The following PCDH9 variants were observed in gnomAD, a reference collection of about 807,000 sequenced individuals.
PCDH9 encodes the protein protocadherin 9.
PCDH9 carries 24 observed loss-of-function variants against 70.6 expected under a neutral mutation model. That is an observed-to-expected ratio of 0.34 (90% confidence interval 0.25 to 0.48). The LOEUF (loss-of-function observed/expected upper bound fraction) is 0.48. PCDH9 is among the 20% of genes least tolerant of loss of function. The probability of loss-of-function intolerance (pLI) is 0.99; values close to 1 mark genes in which losing one functional copy is unlikely to be tolerated. For synonymous variants in PCDH9, 562 were observed against 558.5 expected (o/e 1.01, Z -0.09); for missense variants, 1,281 against 1,503.6 (o/e 0.85, Z 2.45).
rs368107207 is a variant in PCDH9, at chr13:67,094,401, T to C, written c.3036+131004A>G. 6.6e-5 allele frequency among the ~76,000 whole-genome samples: 10 copies of C among 152,306 alleles called. No individual in the cohort carries two copies. The South Asian group carries it at 1.2e-3, about 19-fold the overall frequency. ...TAGGTAGCTCTGCAAAGAAAGCTAA[T>C]AGTCATAGGTTAAAAAGGGGAGGAA... is the stretch of plus-strand genomic sequence containing the variant. On this transcript the variant is annotated intron_variant, in intron 2 of 4. Transcript: ENST00000377865.
chr13:66,717,480 A>AAATATATATATAT (rs1566145314), intron 3 of PCDH9, among the ~76,000 whole-genome samples: 1 of 44,434 alleles, frequency 2.3e-5, no homozygotes, highest in Non-Finnish European at 3.8e-5. Context: ...AAAAAAAAAA[A>AAATATATATATAT]ATATATATAT....
chr13:66,537,227 C>T (rs1566400482), intron 4 of PCDH9, among the ~76,000 whole-genome samples: 3 of 152,010 alleles, frequency 2.0e-5, no homozygotes, highest in Admixed American at 1.3e-4. Context: ...GTCTTCAGGG[C>T]TCATTAGTCA....
At chr13:67,141,592 C>A (rs1055357907) in intron 2 of PCDH9, among the ~76,000 whole-genome samples, 1 of 151,878 alleles carries the variant, frequency 6.6e-6, no homozygotes, top group East Asian at 1.9e-4. Context: ...AGGTGCCTGC[C>A]ACCACGCCCA....
intron 4 of PCDH9, among the ~76,000 whole-genome samples, chr13:66,468,713 A>G (rs1052667950): frequency 6.6e-6 from 1 of 152,100 alleles, no homozygotes; most frequent in Non-Finnish European, 1.5e-5. Context: ...TGCACCTCAA[A>G]TTTATACATA....
At chr13:67,201,253 A>G (rs895423368) in intron 2 of PCDH9, 15 of 152,090 alleles carry the variant, frequency 9.9e-5, no homozygotes, top group African/African-American at 3.4e-4. Flanking sequence ...GATTTGACAT[A>G]TGTGATAGTC....
At chr13:66,932,681 T>TATATATATATATATATATATATACACAC (rs1313632174) in intron 2 of PCDH9, among the ~76,000 whole-genome samples, 2 of 114,840 alleles carry the variant, frequency 1.7e-5, no homozygotes, top group African/African-American at 6.8e-5. Context: ...TATATATATA[T>TATATATATATATATATATATATACACAC]ACACACACAC....
chr13:67,075,563 G>T (rs1362206262), intron 2 of PCDH9, among the ~76,000 whole-genome samples: 1 of 151,844 alleles, frequency 6.6e-6, no homozygotes, highest in Non-Finnish European at 1.5e-5. Context: ...ATTATGATGG[G>T]CACATTTTAG....
At position 66,370,631 on chromosome 13, in the gene PCDH9, C is replaced by T. The variant is rs188458307; in HGVS notation, c.3341-65603G>A. 2.6e-5 allele frequency among the ~76,000 whole-genome samples: 4 copies of T among 151,740 alleles called. No individual in the cohort carries two copies. The East Asian group carries it at 7.8e-4, about 29-fold the overall frequency. ...GCTCAAGGGATCCTCCCGTATCAGCCTCTTGAGTAGCTGGGACTACAGGTA... is the reference window on the plus strand; with the variant it reads ...GCTCAAGGGATCCTCCCGTATCAGCTTCTTGAGTAGCTGGGACTACAGGTA... On this transcript the variant is annotated intron_variant, in intron 4 of 4. Coordinates refer to ENST00000377865, the MANE Select transcript of PCDH9 (RefSeq NM_203487.3).
intron 4 of PCDH9, among the ~76,000 whole-genome samples, chr13:66,545,953 A>C (rs2138668523): frequency 6.6e-6 from 1 of 151,668 alleles, no homozygotes. Context: ...ATTCTGCCTC[A>C]GCCTCCTGAG....
At chr13:66,652,931 T>C (rs1409710439) in intron 3 of PCDH9, among the ~76,000 whole-genome samples, 1 of 152,162 alleles carries the variant, frequency 6.6e-6, no homozygotes, top group Non-Finnish European at 1.5e-5. Context: ...CCATGAAAAC[T>C]GCATATCCAC....
chr13:67,094,224 G>C (rs1420181523), intron 2 of PCDH9, among the ~76,000 whole-genome samples: 1 of 152,140 alleles, frequency 6.6e-6, no homozygotes, highest in Non-Finnish European at 1.5e-5. Flanking sequence ...GAATTAGTGA[G>C]AATACTTGGT....
intron 3 of PCDH9, among the ~76,000 whole-genome samples, chr13:66,868,101 G>A (rs979828136): frequency 1.3e-5 from 2 of 151,976 alleles, no homozygotes; most frequent in South Asian, 4.1e-4. Context: ...ATGACGAAAT[G>A]TAATGAGTGA....
intron 4 of PCDH9, among the ~76,000 whole-genome samples, chr13:66,318,407 A>G (rs1024428381): frequency 6.6e-6 from 1 of 152,172 alleles, no homozygotes; most frequent in African/African-American, 2.4e-5. Flanking sequence ...AATAGATACA[A>G]TGTTGCCATA....
At chr13:66,313,472 T>G (rs555631855) in intron 4 of PCDH9, among the ~76,000 whole-genome samples, 14 of 152,336 alleles carry the variant, frequency 9.2e-5, no homozygotes, top group African/African-American at 3.4e-4. Flanking sequence ...GTAATAATAC[T>G]TTAGAGATTA....
chr13:67,019,042 G>A (rs2084621110), intron 2 of PCDH9, among the ~76,000 whole-genome samples: 1 of 152,036 alleles, frequency 6.6e-6, no homozygotes, highest in Admixed American at 6.5e-5. Context: ...TTTGATTCAT[G>A]TTATTATTTT....
At chr13:66,995,406 T>C (rs939061566) in intron 2 of PCDH9, among the ~76,000 whole-genome samples, 2 of 152,064 alleles carry the variant, frequency 1.3e-5, no homozygotes, top group African/African-American at 2.4e-5. Flanking sequence ...CCCCAAATGG[T>C]AAATGCACCT....
chr13:67,157,009 C>A (rs1397234922), intron 2 of PCDH9, among the ~76,000 whole-genome samples: 2 of 152,216 alleles, frequency 1.3e-5, no homozygotes. Flanking sequence ...CGTTCAACAT[C>A]ATCTGTTAAA....
intron 4 of PCDH9, among the ~76,000 whole-genome samples, chr13:66,527,441 C>T (rs977412756): frequency 3.3e-5 from 5 of 152,094 alleles, no homozygotes; most frequent in Non-Finnish European, 7.4e-5. Context: ...CTGTATTCAT[C>T]TTTGCCCCTC....
intron 2 of PCDH9, among the ~76,000 whole-genome samples, chr13:66,975,744 T>C (rs539750820): frequency 2.6e-5 from 4 of 152,016 alleles, no homozygotes; most frequent in South Asian, 2.1e-4. Flanking sequence ...GTGCCAGAAA[T>C]ACAAAAATAA....
Sources: allele counts gnomAD v4.1 joint callset (sites outside exome capture counted in the v4.1 genomes callset), GRCh38; gene constraint gnomAD v4.1.1; transcripts MANE v1.5; gene names NCBI Gene and HGNC (gene_info 2026-07-23, HGNC 2026-07-21).